The following PRELID2 variants were observed in gnomAD, a reference collection of about 807,000 sequenced individuals.
The protein encoded by PRELID2 is PRELI domain-containing protein 2.
A neutral mutation model predicts 28.4 loss-of-function variants in PRELID2; 25 were observed. The ratio of observed to expected loss-of-function variants is 0.88; its 90% CI spans 0.64 to 1.23. PRELID2 has a LOEUF of 1.23. Among genes scored for constraint, PRELID2 ranks in the 50% most tolerant of loss-of-function variants. The pLI is 0.00. For missense variants in PRELID2, 201 were observed against 214.4 expected (o/e 0.94, Z 0.39); for synonymous variants, 76 against 71.6 (o/e 1.06, Z -0.31).
chr5:145,826,641 G>A (rs556071373), intron 1 of PRELID2, among the ~76,000 whole-genome samples: 20 of 152,174 alleles, frequency 1.3e-4, no homozygotes, highest in African/African-American at 4.6e-4. Context: ...AAATGTAGAC[G>A]TGCCTAAAGC....
At chr5:145,265,548 A>G in the PRELID2 span, among the ~76,000 whole-genome samples, 1 of 152,202 alleles carries the variant, frequency 6.6e-6, no homozygotes, top group Non-Finnish European at 1.5e-5. Flanking sequence ...TGGAGACATC[A>G]CATTACCTGG....
intron 1 of PRELID2, among the ~76,000 whole-genome samples, chr5:145,651,651 G>A (rs1018529852): frequency 5.3e-5 from 8 of 152,218 alleles, no homozygotes; most frequent in African/African-American, 1.9e-4. Flanking sequence ...AACAGGGTCT[G>A]GAGTGGACCT....
At chr5:145,660,399 C>A (rs920209227) in intron 1 of PRELID2, among the ~76,000 whole-genome samples, 4 of 152,196 alleles carry the variant, frequency 2.6e-5, no homozygotes, top group Non-Finnish European at 5.9e-5. Flanking sequence ...CTTTCCTGTT[C>A]TGATCCTCCT....
intron 5 of PRELID2, among the ~76,000 whole-genome samples, chr5:145,788,481 A>G (rs1752147892): frequency 6.6e-6 from 1 of 152,132 alleles, no homozygotes; most frequent in Non-Finnish European, 1.5e-5. Flanking sequence ...AACACACTGT[A>G]TGGCACACCC....
intron 4 of PRELID2, among the ~76,000 whole-genome samples, chr5:145,816,250 T>C (rs1754300683): frequency 6.6e-6 from 1 of 151,668 alleles, no homozygotes; most frequent in South Asian, 2.1e-4. Context: ...ACCCGGCTAA[T>C]TGTTGTATTT....
chr5:145,243,915 A>T, the PRELID2 span, among the ~76,000 whole-genome samples: 22 of 151,842 alleles, frequency 1.4e-4, no homozygotes, highest in African/African-American at 5.3e-4. Context: ...TTCCTCAGCA[A>T]CTTTTACTTC....
the PRELID2 span, among the ~76,000 whole-genome samples, chr5:145,353,478 GA>G: frequency 1.3e-5 from 2 of 151,760 alleles, no homozygotes; most frequent in African/African-American, 4.8e-5. Flanking sequence ...AAAAAGAAAA[GA>G]AAAGAAAAGA....
intron 1 of PRELID2, among the ~76,000 whole-genome samples, chr5:145,503,341 C>T (rs1752376474): frequency 1.3e-5 from 2 of 152,142 alleles, no homozygotes; most frequent in Admixed American, 1.3e-4. Context: ...TTTAAAGCCA[C>T]ATAGAGTGAA....
the PRELID2 span, among the ~76,000 whole-genome samples, chr5:145,283,501 C>CT: frequency 6.6e-6 from 1 of 152,070 alleles, no homozygotes; most frequent in Admixed American, 6.6e-5. Flanking sequence ...TTAAGTTATG[C>CT]TTTTTTTCTC....
chr5:145,833,331 TGGA>T (rs2149895579), intron 1 of PRELID2, among the ~76,000 whole-genome samples: 1 of 152,246 alleles, frequency 6.6e-6, no homozygotes, highest in Non-Finnish European at 1.5e-5. Context: ...TCTGAGAAGG[TGGA>T]GATCAACTGA....
intron 4 of PRELID2, among the ~76,000 whole-genome samples, chr5:145,813,187 T>A (rs1010040569): frequency 1.3e-5 from 2 of 152,152 alleles, no homozygotes; most frequent in Non-Finnish European, 2.9e-5. Context: ...CCTGACAGCT[T>A]TTTTATTCCC....
intron 1 of PRELID2, among the ~76,000 whole-genome samples, chr5:145,644,438 TTTTG>T (rs1561529824): frequency 1.3e-5 from 2 of 151,488 alleles, no homozygotes; most frequent in Admixed American, 6.7e-5. Flanking sequence ...AGTTTATCTA[TTTTG>T]TTGAACTTTT....
At chr5:145,702,918 A>C (rs573442783) in intron 1 of PRELID2, among the ~76,000 whole-genome samples, 1 of 152,354 alleles carries the variant, frequency 6.6e-6, no homozygotes, top group East Asian at 1.9e-4. Flanking sequence ...AGGAGGAAAG[A>C]AAGTCATTTA....
chr5:145,763,497 T>G (rs900751316), intron 6 of PRELID2, among the ~76,000 whole-genome samples: 2 of 152,152 alleles, frequency 1.3e-5, no homozygotes, highest in African/African-American at 4.8e-5. Flanking sequence ...CAAAATGGAG[T>G]CCAACCTGCA....
intron 1 of PRELID2, among the ~76,000 whole-genome samples, chr5:145,609,283 T>C (rs2149643681): frequency 6.6e-6 from 1 of 152,244 alleles, no homozygotes; most frequent in East Asian, 1.9e-4. Flanking sequence ...TTCAGACTAG[T>C]TAAGAACCAT....
the PRELID2 span, among the ~76,000 whole-genome samples, chr5:145,284,286 G>A: frequency 6.6e-6 from 1 of 151,828 alleles, no homozygotes; most frequent in South Asian, 2.1e-4. Flanking sequence ...TTGCTTTTTT[G>A]TTTGTTTTCT....
downstream of PRELID2, among the ~76,000 whole-genome samples, chr5:145,756,009 G>A (rs554970858): frequency 1.2e-4 from 18 of 152,294 alleles, no homozygotes; most frequent in East Asian, 3.5e-3. Flanking sequence ...AGGCCAACAA[G>A]AAGCTACACT....
intron 5 of PRELID2, among the ~76,000 whole-genome samples, chr5:145,791,503 T>C (rs752846131): frequency 6.6e-5 from 10 of 152,202 alleles, no homozygotes; most frequent in Non-Finnish European, 1.3e-4. Context: ...AGTCCACTTA[T>C]ATGACATAAC....
chr5:145,760,669 T>G (rs954681573), intron 6 of PRELID2, 144 bp from the exon 7 acceptor site: 4 of 152,170 alleles, frequency 2.6e-5, no homozygotes, highest in Non-Finnish European at 5.9e-5. Flanking sequence ...CATTTCTCCC[T>G]CCTAATGATC....
Sources: allele counts gnomAD v4.1 joint callset (sites outside exome capture counted in the v4.1 genomes callset), GRCh38; gene constraint gnomAD v4.1.1; transcripts MANE v1.5; gene names NCBI Gene and HGNC (gene_info 2026-07-23, HGNC 2026-07-21).